SIK3: variants seen among roughly 807,000 people sequenced by gnomAD.
The protein encoded by SIK3 is serine/threonine-protein kinase SIK3.
A neutral mutation model predicts 144.2 loss-of-function variants in SIK3; 28 were observed. The observed-to-expected ratio is 0.19, with a 90% CI of 0.14 to 0.27. The LOEUF is 0.27. Among genes scored for constraint, SIK3 ranks in the 10% least tolerant of loss-of-function variants. SIK3 has a pLI of 1.00. For missense variants in SIK3, 1,319 were observed against 1,776.0 expected, an observed-to-expected ratio of 0.74 and a Z score of 4.62; for synonymous variants, 686 against 676.3, an observed-to-expected ratio of 1.01 and a Z score of -0.22.
At chr11:116,973,433 T>C (rs1022329485) in intron 1 of SIK3, among the ~76,000 whole-genome samples, 11 of 152,234 alleles carry the variant, frequency 7.2e-5, no homozygotes, top group Non-Finnish European at 1.3e-4. Context: ...TTAGCCTTAC[T>C]TGTAGAGATT....
intron 1 of SIK3, among the ~76,000 whole-genome samples, chr11:116,978,991 T>C (rs1161583294): frequency 1.3e-5 from 2 of 152,192 alleles, no homozygotes; most frequent in East Asian, 3.8e-4. Context: ...TTAGCTACTA[T>C]GAACAATAAT....
intron 19 of SIK3, among the ~76,000 whole-genome samples, chr11:116,859,904 T>C (rs1459888602): frequency 1.3e-5 from 2 of 152,284 alleles, no homozygotes; most frequent in East Asian, 1.9e-4. Flanking sequence ...ATCTAGGCAG[T>C]GCTTCTTGAA....
At chr11:117,002,326 T>G (rs1230115266) in intron 1 of SIK3, among the ~76,000 whole-genome samples, 1 of 152,160 alleles carries the variant, frequency 6.6e-6, no homozygotes, top group Non-Finnish European at 1.5e-5. Flanking sequence ...TCAGCTATTG[T>G]TAGTGTTAGT....
chr11:116,897,511 A>C lies in SIK3; in HGVS notation c.617-194T>G, dbSNP rs75584189. Among the ~76,000 whole-genome samples the C allele has an allele frequency of 7.8e-3, 1,193 of 152,344 alleles. 19 individuals are homozygous for C. Among genetic ancestry groups the C allele is most frequent in the African/African-American group, 0.026 (1,093 of 41,574 alleles). Reference sequence around the variant, plus strand: ...AGAGATATAGATGAGCTGAAATATAAACATGATCAGTTTATGTCAGCAAAA... The same window carrying C: ...AGAGATATAGATGAGCTGAAATATACACATGATCAGTTTATGTCAGCAAAA... On this transcript the variant is annotated intron_variant, in intron 4 of 24. Coordinates refer to ENST00000445177, the MANE Select transcript of SIK3 (RefSeq NM_001366686.3).
At chr11:116,880,771 A>T (rs1174183079) in intron 6 of SIK3, among the ~76,000 whole-genome samples, 2 of 152,172 alleles carry the variant, frequency 1.3e-5, no homozygotes, top group African/African-American at 4.8e-5. Context: ...TGGAGCCCTC[A>T]CATTAAACAA....
chr11:117,058,545 A>G (rs1953650403), intron 1 of SIK3, among the ~76,000 whole-genome samples: 1 of 151,244 alleles, frequency 6.6e-6, no homozygotes. Context: ...AATTACCTCC[A>G]TCTTTATAAT....
chr11:117,046,219 G>A (rs866641716), intron 1 of SIK3, among the ~76,000 whole-genome samples: 29 of 152,302 alleles, frequency 1.9e-4, no homozygotes, highest in African/African-American at 7.0e-4. Flanking sequence ...CAACACTGAG[G>A]CACAATGCCC....
At chr11:116,950,388 G>A in intron 3 of SIK3, 1 of 268,914 alleles carries the variant, frequency 3.7e-6, no homozygotes, top group Non-Finnish European at 7.6e-6. Context: ...TATCAAAATG[G>A]AGTCACTCAT....
At position 116,884,799 on chromosome 11, in the gene SIK3, T is replaced by A. The variant is rs540414861; in HGVS notation, c.866-7757A>T. On this transcript the variant is annotated intron_variant, in intron 6 of 24. Transcript: ENST00000445177. The stretch of plus-strand genomic sequence containing the variant: ...ACAAGGATGTAGTCAATGCCACAGT[T>A]TTACACAAACAAAGAAAATACACAA... Among the ~76,000 whole-genome samples, 20 of 151,196 alleles carry A rather than the reference T, an allele frequency of 1.3e-4. 1 individual carries two copies. The East Asian group carries it at 3.7e-3, about 28-fold the overall frequency.
chr11:117,097,498 C>T (rs182444663), intron 1 of SIK3, among the ~76,000 whole-genome samples: 32 of 151,370 alleles, frequency 2.1e-4, no homozygotes, highest in African/African-American at 7.5e-4. Context: ...CAATTTCCCC[C>T]TTATTTCCCC....
chr11:116,855,102 A>AAAAAAAAAAAAAAC (rs1168132311), intron 21 of SIK3, among the ~76,000 whole-genome samples: 25 of 144,450 alleles, frequency 1.7e-4, no homozygotes, highest in East Asian at 6.9e-4. Flanking sequence ...AAAAAAAAAA[A>AAAAAAAAAAAAAAC]AAAAAAACTT....
intron 1 of SIK3, among the ~76,000 whole-genome samples, chr11:117,018,709 T>G (rs1176512302): frequency 1.5e-5 from 2 of 131,546 alleles, no homozygotes; most frequent in Non-Finnish European, 3.1e-5. Context: ...TGTTTTTATT[T>G]TATTTTATTT....
At chr11:117,049,526 C>T (rs1341385735) in intron 1 of SIK3, among the ~76,000 whole-genome samples, 2 of 151,498 alleles carry the variant, frequency 1.3e-5, no homozygotes, top group African/African-American at 2.4e-5. Context: ...TGCAGTAAGC[C>T]GAGATCGCGC....
chr11:117,021,960 A>AAAAAAAAAAAAC (rs1951794877), intron 1 of SIK3, among the ~76,000 whole-genome samples: 1 of 139,804 alleles, frequency 7.2e-6, no homozygotes, highest in African/African-American at 2.6e-5. Context: ...AAAAAAAAAA[A>AAAAAAAAAAAAC]ACCTAAAAAT....
At chr11:117,034,447 T>C (rs530692414) in intron 1 of SIK3, among the ~76,000 whole-genome samples, 114 of 152,316 alleles carry the variant, frequency 7.5e-4, no homozygotes, top group Non-Finnish European at 9.3e-4. Flanking sequence ...TACGGTTTAT[T>C]TGTAAAACAC....
At chr11:116,920,927 T>C (rs999979996) in intron 4 of SIK3, among the ~76,000 whole-genome samples, 3 of 152,204 alleles carry the variant, frequency 2.0e-5, no homozygotes, top group Non-Finnish European at 4.4e-5. Context: ...ATTAATGTGA[T>C]AATGAGTCAT....
At chr11:117,017,550 A>G (rs1432656494) in intron 1 of SIK3, among the ~76,000 whole-genome samples, 2 of 152,190 alleles carry the variant, frequency 1.3e-5, no homozygotes, top group Non-Finnish European at 2.9e-5. Flanking sequence ...GCAAGATACT[A>G]TCAAATTGGT....
intron 7 of SIK3, 95 bp from the exon 8 acceptor site, chr11:116,876,458 G>T: frequency 2.0e-6 from 2 of 1,025,012 alleles, no homozygotes; most frequent in South Asian, 2.6e-5. Flanking sequence ...CATGCCCTCT[G>T]GCTTGGGATA....
At chr11:116,998,855 A>G (rs904333608) in intron 1 of SIK3, among the ~76,000 whole-genome samples, 2 of 152,256 alleles carry the variant, frequency 1.3e-5, no homozygotes, top group African/African-American at 4.8e-5. Context: ...TAAGTATGAA[A>G]TTATTGATCA....
Sources: gnomAD v4.1 joint callset for allele counts (sites outside exome capture counted in the v4.1 genomes callset) on GRCh38, gnomAD v4.1.1 for gene constraint, MANE v1.5 for transcripts, NCBI Gene and HGNC (gene_info 2026-07-23, HGNC 2026-07-21) for gene names.